LRIG2: variants seen among roughly 807,000 people sequenced by gnomAD.
LRIG2 encodes leucine rich repeats and immunoglobulin like domains 2.
In LRIG2, 93 loss-of-function variants were observed where a neutral mutation model predicts 107.8. The ratio of observed to expected loss-of-function variants is 0.86; its 90% CI spans 0.73 to 1.03. The LOEUF is 1.03. Ranked by LOEUF, LRIG2 falls within the 50% of genes least tolerant of loss-of-function variation. The pLI is 0.00. For missense variants in LRIG2, 1,226 were observed against 1,296.0 expected, an observed-to-expected ratio of 0.95 and a Z score of 0.83; for synonymous variants, 471 against 470.6, an observed-to-expected ratio of 1.00 and a Z score of -0.01.
intron 11 of LRIG2, among the ~76,000 whole-genome samples, chr1:113,104,469 C>T (rs1392276102): frequency 1.3e-5 from 2 of 152,052 alleles, no homozygotes; most frequent in African/African-American, 2.4e-5. Context: ...CCAGACAGCC[C>T]CTAGATGTCT....
intron 11 of LRIG2, among the ~76,000 whole-genome samples, chr1:113,103,993 C>G (rs1294093052): frequency 6.6e-6 from 1 of 152,170 alleles, no homozygotes; most frequent in Admixed American, 6.5e-5. Context: ...TCCTACTTCT[C>G]CCATGGCAAT....
intron 1 of LRIG2, among the ~76,000 whole-genome samples, chr1:113,075,231 C>T (rs1319231172): frequency 6.6e-6 from 1 of 151,268 alleles, no homozygotes; most frequent in African/African-American, 2.4e-5. Flanking sequence ...AAAGAGTCAT[C>T]ACTAAAAAAA....
chr1:113,103,805 C>T (rs751893120), intron 11 of LRIG2: 5 of 152,198 alleles, frequency 3.3e-5, no homozygotes, highest in Non-Finnish European at 7.3e-5. Flanking sequence ...GATTTCGATT[C>T]TCAAGATTGT....
At position 113,094,496 on chromosome 1, in the gene LRIG2, T is replaced by C. The variant is rs1227951906; in HGVS notation, c.659+14T>C. ...CCTCCAATTCTTGTGAGTAACGAAA[T>C]AGACGGATTATAAGAAGATAGTTTT... On this transcript the variant is annotated intron_variant, in intron 5 of 17. Coordinates refer to ENST00000361127, the MANE Select transcript of LRIG2 (RefSeq NM_014813.3). 2 of 1,598,656 alleles carry C rather than the reference T, an allele frequency of 1.3e-6. No individual in the cohort carries two copies. Among genetic ancestry groups the C allele is most frequent in the Non-Finnish European group, 1.7e-6 (2 of 1,175,964 alleles).
intron 1 of LRIG2, among the ~76,000 whole-genome samples, chr1:113,085,257 C>G (rs183428619): frequency 5.4e-4 from 81 of 151,184 alleles, no homozygotes; most frequent in Middle Eastern, 3.4e-3. Context: ...TGGTGTAAAT[C>G]AACTTGTAAC....
intron 11 of LRIG2, among the ~76,000 whole-genome samples, chr1:113,102,562 G>A (rs1231341762): frequency 2.6e-5 from 4 of 152,032 alleles, no homozygotes; most frequent in East Asian, 1.9e-4. Flanking sequence ...GAGCCACCGC[G>A]CCTGGCCTGT....
At chr1:113,115,419 C>G (rs1449761247) in intron 15 of LRIG2, among the ~76,000 whole-genome samples, 1 of 152,122 alleles carries the variant, frequency 6.6e-6, no homozygotes, top group Non-Finnish European at 1.5e-5. Context: ...CCATGTTGCC[C>G]AAGCTGGTCT....
At chr1:113,107,571 T>C in intron 11 of LRIG2, 23 bp from the exon 12 acceptor site, 1 of 1,598,328 alleles carries the variant, frequency 6.3e-7, no homozygotes, top group South Asian at 1.1e-5. Flanking sequence ...CAAAGGATGC[T>C]TTTCCTCTTT....
intron 2 of LRIG2, among the ~76,000 whole-genome samples, chr1:113,092,717 A>ATGGTGGCT: frequency 6.6e-6 from 1 of 152,332 alleles, no homozygotes; most frequent in South Asian, 2.1e-4. Context: ...TTGGCCAGGC[A>ATGGTGGCT]TGGTGGCTTA....
rs1654176697 is a variant in LRIG2, at chr1:113,098,746, C to G, written c.1133C>G (p.Ala378Gly). The G allele has an allele frequency of 6.2e-7, 1 of 1,612,608 alleles. No homozygotes were observed. Among genetic ancestry groups the G allele is most frequent in the Admixed American group, 1.7e-5 (1 of 59,984 alleles). Reference protein sequence around the residue: ...NNEISWAIEDASEAFAGLTSL... With the variant: ...NNEISWAIEDGSEAFAGLTSL... The stretch of plus-strand genomic sequence containing the variant: ...GAAATTTCATGGGCCATAGAAGATG[C>G]TAGTGAAGCCTTTGCTGGACTCACA... The change falls in exon 9 of 18, where the codon GCT (alanine) becomes GGT (glycine). Residue 378 changes from alanine to glycine, a missense_variant. Physicochemically the swap from Ala to Gly is moderately conservative, Grantham distance 60 (BLOSUM62 0). Coordinates refer to ENST00000361127, the MANE Select transcript of LRIG2 (RefSeq NM_014813.3).
intron 1 of LRIG2, 35 bp from the exon 2 acceptor site, chr1:113,091,283 G>T: frequency 1.4e-6 from 2 of 1,411,700 alleles, no homozygotes; most frequent in Non-Finnish European, 2.0e-6. Context: ...TACTTTCCAG[G>T]ACTAAACTAA....
chr1:113,086,993 A>G (rs753584138), intron 1 of LRIG2, among the ~76,000 whole-genome samples: 7 of 152,224 alleles, frequency 4.6e-5, no homozygotes, highest in Non-Finnish European at 7.3e-5. Flanking sequence ...AAACAGAATA[A>G]ATTAGCTGGG....
At chr1:113,080,579 C>T (rs1267119213) in intron 1 of LRIG2, among the ~76,000 whole-genome samples, 3 of 151,700 alleles carry the variant, frequency 2.0e-5, no homozygotes, top group South Asian at 4.2e-4. Context: ...GTGGTTTCAC[C>T]GTGTTAGCCA....
chr1:113,104,883 C>T (rs1269431932), intron 11 of LRIG2, among the ~76,000 whole-genome samples: 1 of 152,158 alleles, frequency 6.6e-6, no homozygotes, highest in Non-Finnish European at 1.5e-5. Flanking sequence ...CACGATGGCT[C>T]ATGTCTGTAA....
At chr1:113,080,495 T>G (rs1653219719) in intron 1 of LRIG2, among the ~76,000 whole-genome samples, 1 of 152,060 alleles carries the variant, frequency 6.6e-6, no homozygotes, top group Non-Finnish European at 1.5e-5. Flanking sequence ...TTCTCCTGCC[T>G]CAGCCTCTGG....
In LRIG2 at chr1:113,088,576, G is replaced by A. The variant is rs115621828; in HGVS notation, c.240-2742G>A. On this transcript the variant is annotated intron_variant, in intron 1 of 17. Coordinates refer to ENST00000361127, the MANE Select transcript of LRIG2 (RefSeq NM_014813.3). ...GGGAAAGGCATTATGAACACTGTTAGGATTAAAATGAAAGCCCTTAATCTG... is the reference window on the plus strand; with the variant it reads ...GGGAAAGGCATTATGAACACTGTTAAGATTAAAATGAAAGCCCTTAATCTG... 4.9e-3 allele frequency among the ~76,000 whole-genome samples: 748 copies of A among 152,246 alleles called. 5 individuals are homozygous for A. The highest frequency in any genetic ancestry group is 0.014 in the Middle Eastern group (4 of 294).
chr1:113,075,137 G>A (rs923867460), intron 1 of LRIG2, among the ~76,000 whole-genome samples: 9 of 152,108 alleles, frequency 5.9e-5, no homozygotes, highest in Admixed American at 3.3e-4. Context: ...ACTTGAACCC[G>A]GGAGGGCGAG....
rs946429022 is a variant in LRIG2, at chr1:113,124,206, T to C, written c.*105T>C. On this transcript the variant is annotated 3_prime_UTR_variant, in exon 18 of 18. Coordinates refer to ENST00000361127, the MANE Select transcript of LRIG2 (RefSeq NM_014813.3). The stretch of plus-strand genomic sequence containing the variant: ...CGAAGTCAGCATTTGCTTTACTCTT[T>C]CTTTATGATTGCATCTGACCGCACC... 10 of 976,994 alleles carry C rather than the reference T, an allele frequency of 1.0e-5. No homozygotes were observed. The African/African-American group carries it at 1.5e-4, about 14-fold the overall frequency. The allele number at this position is 976,994 out of a possible 1,614,324, so 60.5% of individuals were successfully genotyped here.
chr1:113,100,218 C>A lies in LRIG2; in HGVS notation c.1180C>A (p.Gln394Lys). The change falls in exon 10 of 18, where the codon CAA (glutamine) becomes AAA (lysine). Residue 394 changes from glutamine (Q) to lysine (K), a missense_variant. Coordinates refer to ENST00000361127, the MANE Select transcript of LRIG2 (RefSeq NM_014813.3). ...GATCTGTTTATATTTCAGAATCTTA[C>A]AAGGAAACCAGATTAAGTCAATTAC... ...GLTSLTKLIL[Q>K]GNQIKSITKK... The A allele has an allele frequency of 6.4e-7, 1 of 1,569,878 alleles. No homozygotes were observed. Among genetic ancestry groups the A allele is most frequent in the Non-Finnish European group, 8.7e-7 (1 of 1,147,984 alleles).
Sources: gnomAD v4.1 joint callset for allele counts (sites outside exome capture counted in the v4.1 genomes callset) on GRCh38, gnomAD v4.1.1 for gene constraint, MANE v1.5 for transcripts, NCBI Gene and HGNC (gene_info 2026-07-23, HGNC 2026-07-21) for gene names.